HDAC9: variants seen among roughly 807,000 people sequenced by gnomAD.
The protein encoded by HDAC9 is histone deacetylase 9.
HDAC9 carries 41 observed loss-of-function variants against 139.4 expected under a neutral mutation model. The ratio of observed to expected loss-of-function variants is 0.29; its 90% CI spans 0.23 to 0.38. The LOEUF (loss-of-function observed/expected upper bound fraction) is 0.38. HDAC9 is among the 10% of genes least tolerant of loss of function. HDAC9 has a pLI of 1.00. For missense variants in HDAC9, 1,147 were observed against 1,297.0 expected (o/e 0.88, Z 1.78); for synonymous variants, 517 against 476.2 (o/e 1.09, Z -1.12).
chr7:18,220,059 A>C (rs1584701833), intron 2 of HDAC9, among the ~76,000 whole-genome samples: 1 of 152,212 alleles, frequency 6.6e-6, no homozygotes, highest in Admixed American at 6.5e-5. Flanking sequence ...ACACAAGTGC[A>C]TGATACATGT....
In HDAC9 at chr7:19,001,497, A is replaced by G; in HGVS notation, c.*5435A>G. 1 of 151,868 alleles carries G rather than the reference A, an allele frequency of 6.6e-6. No individual in the cohort carries two copies. The highest frequency in any genetic ancestry group is 1.9e-4 in the East Asian group (1 of 5,188). The allele number at this position is 151,868 out of a possible 1,614,324, so 9.4% of individuals were successfully genotyped here. Reference sequence around the variant, plus strand: ...GACAATTCATAGAGATCTTGCAGCAATATTTGGCTATTGGTTTTATTAACT... The same window carrying G: ...GACAATTCATAGAGATCTTGCAGCAGTATTTGGCTATTGGTTTTATTAACT... On this transcript the variant is annotated 3_prime_UTR_variant, in exon 26 of 26. Coordinates refer to ENST00000686413, the MANE Select transcript of HDAC9 (RefSeq NM_178425.4).
chr7:18,381,907 G>A (rs1461527661), intron 1 of HDAC9, among the ~76,000 whole-genome samples: 1 of 152,072 alleles, frequency 6.6e-6, no homozygotes, highest in African/African-American at 2.4e-5. Flanking sequence ...CTCTTGGATA[G>A]TCCATGCATG....
At chr7:18,225,600 A>G (rs1209061985) in intron 2 of HDAC9, among the ~76,000 whole-genome samples, 1 of 152,188 alleles carries the variant, frequency 6.6e-6, no homozygotes, top group Non-Finnish European at 1.5e-5. Context: ...TCATGCATAT[A>G]CATGGAATCT....
chr7:18,561,072 A>C (rs1016485477), intron 2 of HDAC9, among the ~76,000 whole-genome samples: 14 of 152,198 alleles, frequency 9.2e-5, no homozygotes, highest in African/African-American at 2.9e-4. Flanking sequence ...ACAACAACAA[A>C]AAAATGAATC....
chr7:18,376,418 C>G (rs1784999238), intron 1 of HDAC9, among the ~76,000 whole-genome samples: 6 of 152,174 alleles, frequency 3.9e-5, no homozygotes. Flanking sequence ...TGAGTACATA[C>G]TTCCTCATGC....
chr7:18,364,072 T>G (rs1289889805), intron 1 of HDAC9, among the ~76,000 whole-genome samples: 1 of 152,190 alleles, frequency 6.6e-6, no homozygotes, highest in Non-Finnish European at 1.5e-5. Flanking sequence ...TAATCCTCTT[T>G]TCAGCAGCCT....
At chr7:18,144,283 G>C (rs1239059080) in intron 1 of HDAC9, among the ~76,000 whole-genome samples, 1 of 152,162 alleles carries the variant, frequency 6.6e-6, no homozygotes, top group East Asian at 1.9e-4. Flanking sequence ...TTCATGGAAA[G>C]TGAAGGCTTC....
At chr7:18,113,832 T>C (rs1254024881) in intron 1 of HDAC9, among the ~76,000 whole-genome samples, 1 of 152,232 alleles carries the variant, frequency 6.6e-6, no homozygotes, top group Non-Finnish European at 1.5e-5. Context: ...GTTTGACATT[T>C]CAAATCTTTT....
intron 1 of HDAC9, among the ~76,000 whole-genome samples, chr7:18,340,999 CTTT>C (rs988496827): frequency 6.8e-6 from 1 of 147,788 alleles, no homozygotes; most frequent in Non-Finnish European, 1.5e-5. Context: ...CCCAAGTTGA[CTTT>C]TTTTTTTCTT....
intron 12 of HDAC9, among the ~76,000 whole-genome samples, chr7:18,699,378 G>A (rs1054047537): frequency 5.3e-5 from 8 of 151,980 alleles, no homozygotes; most frequent in East Asian, 3.9e-4. Context: ...GTGTGTGTGC[G>A]TGTACGTGTG....
chr7:18,660,977 T>C (rs2129060501), intron 11 of HDAC9, among the ~76,000 whole-genome samples: 1 of 152,244 alleles, frequency 6.6e-6, no homozygotes, highest in African/African-American at 2.4e-5. Flanking sequence ...TAATGTTACC[T>C]AAATTATATT....
intron 13 of HDAC9, among the ~76,000 whole-genome samples, chr7:18,747,994 A>G (rs1001342933): frequency 1.3e-5 from 2 of 152,192 alleles, no homozygotes; most frequent in African/African-American, 4.8e-5. Flanking sequence ...AAAACTTCTT[A>G]TAATGGGTGT....
At chr7:18,140,005 C>T (rs146887378) in intron 1 of HDAC9, among the ~76,000 whole-genome samples, 5 of 152,240 alleles carry the variant, frequency 3.3e-5, no homozygotes, top group Non-Finnish European at 4.4e-5. Flanking sequence ...TGTGGCACAA[C>T]GGTTGTGGTC....
rs116001810 is a variant in HDAC9 at position 18,347,122 on chromosome 7, G to T, written c.-42+56607G>T. 6.4e-3 allele frequency among the ~76,000 whole-genome samples: 973 copies of T among 152,250 alleles called. 12 individuals carry two copies. Among genetic ancestry groups the T allele is most frequent in the African/African-American group, 0.023 (938 of 41,538 alleles). ...CTCTTTTTAGAACACAATACTTGGT[G>T]AAAAATAAAATTCACCGTATTAATG... On this transcript the variant is annotated intron_variant, in intron 1 of 3. Transcript: ENST00000413509.
At chr7:18,963,398 T>G (rs1783649894) in intron 24 of HDAC9, among the ~76,000 whole-genome samples, 1 of 152,150 alleles carries the variant, frequency 6.6e-6, no homozygotes, top group Non-Finnish European at 1.5e-5. Flanking sequence ...ACCCTCAATA[T>G]ATGCAGAGAT....
intron 2 of HDAC9, among the ~76,000 whole-genome samples, chr7:18,235,689 C>T (rs534327886): frequency 6.6e-6 from 1 of 152,282 alleles, no homozygotes; most frequent in Non-Finnish European, 1.5e-5. Flanking sequence ...TTGAATTTTG[C>T]AAATATTCTG....
At chr7:18,324,652 G>T (rs868148751) in intron 1 of HDAC9, among the ~76,000 whole-genome samples, 1 of 152,070 alleles carries the variant, frequency 6.6e-6, no homozygotes, top group African/African-American at 2.4e-5. Flanking sequence ...GGCCCATTGC[G>T]GAACTACTGA....
At chr7:18,828,014 ATTATG>A (rs1322350791) in intron 17 of HDAC9, among the ~76,000 whole-genome samples, 1 of 152,138 alleles carries the variant, frequency 6.6e-6, no homozygotes, top group Non-Finnish European at 1.5e-5. Flanking sequence ...TCTAATTGAC[ATTATG>A]TTATATGATT....
intron 13 of HDAC9, among the ~76,000 whole-genome samples, chr7:18,739,489 GT>G: frequency 6.6e-6 from 1 of 152,300 alleles, no homozygotes; most frequent in African/African-American, 2.4e-5. Context: ...ATTCCTTTCT[GT>G]TTGTTAGTTT....
Sources: allele counts gnomAD v4.1 joint callset (sites outside exome capture counted in the v4.1 genomes callset), GRCh38; gene constraint gnomAD v4.1.1; transcripts MANE v1.5; gene names NCBI Gene and HGNC (gene_info 2026-07-23, HGNC 2026-07-21).